Variants in CBR4 observed in about 807,000 individuals in gnomAD.
The protein encoded by CBR4 is 3-oxoacyl-[acyl-carrier-protein] reductase.
In CBR4, 22 loss-of-function variants were observed where a neutral mutation model predicts 21.0. That is an observed-to-expected ratio of 1.05 (90% confidence interval 0.75 to 1.50). The LOEUF is 1.50. Ranked by LOEUF, CBR4 falls within the 40% of genes most tolerant of loss-of-function variation. CBR4 has a pLI of 0.00. For missense variants in CBR4, 302 were observed against 286.3 expected (o/e 1.05, Z -0.40); for synonymous variants, 100 against 104.4 (o/e 0.96, Z 0.26).
rs2151288911 is a variant in CBR4 at position 168,901,471 on chromosome 4, T to C, written n.170-6706A>G. On this transcript the variant is annotated intron_variant and non_coding_transcript_variant, in intron 2 of 3. Transcript: ENST00000509108. ...CCAAGTATAATGGAGGTGAAAAATA[T>C]GATTAAAGAAATAACTCAAGAACTG... Among the ~76,000 whole-genome samples, 3 of 152,306 alleles carry C rather than the reference T, an allele frequency of 2.0e-5. 1 individual carries two copies. In the East Asian group the frequency reaches 5.8e-4, roughly 29 times the overall value.
chr4:168,970,345 G>C (rs187936515), intron 2 of CBR4, among the ~76,000 whole-genome samples: 1 of 151,964 alleles, frequency 6.6e-6, no homozygotes, highest in Non-Finnish European at 1.5e-5. Flanking sequence ...ATTTTATTTT[G>C]ATATTTAAGT....
intron 4 of CBR4, 116 bp from the exon 5 acceptor site, chr4:168,990,444 A>ATT: frequency 9.5e-6 from 10 of 1,057,530 alleles, no homozygotes; most frequent in Non-Finnish European, 8.8e-6. Flanking sequence ...TTTAAAAAAA[A>ATT]ATTTTTTTTT....
Position 168,989,505 on chromosome 4 carries a change from G to T in CBR4, c.*645C>A. On this transcript the variant is annotated 3_prime_UTR_variant, in exon 5 of 5. Coordinates refer to ENST00000306193, the MANE Select transcript of CBR4 (RefSeq NM_032783.5). Reference sequence around the variant, plus strand: ...TAATGAATACTATGTTTTGCAACCTGTATAAAAACTGATCACCCAAGCACA... The same window carrying T: ...TAATGAATACTATGTTTTGCAACCTTTATAAAAACTGATCACCCAAGCACA... 1.0e-6 allele frequency: 1 copy of T among 985,348 alleles called. No homozygotes were observed. Among genetic ancestry groups the T allele is most frequent in the Non-Finnish European group, 1.2e-6 (1 of 829,878 alleles). 61.0% of individuals were successfully genotyped at this position (985,348 alleles called of 1,614,324 possible). A position where few individuals can be genotyped will look rare whatever the true frequency, so the allele number is the denominator to read the frequency against.
chr4:168,972,467 T>G (rs1764240472), intron 2 of CBR4, among the ~76,000 whole-genome samples: 1 of 152,234 alleles, frequency 6.6e-6, no homozygotes. Flanking sequence ...CAGCAGTGTT[T>G]TGTAGTTTTC....
chr4:168,907,755 A>G (rs895440452), intron 2 of CBR4, among the ~76,000 whole-genome samples: 2 of 152,194 alleles, frequency 1.3e-5, no homozygotes, highest in African/African-American at 2.4e-5. Context: ...GAAGTGGACC[A>G]AGAACAGCCC....
At chr4:168,894,536 A>AT (rs769876532) in intron 3 of CBR4, 4 of 1,310,176 alleles carry the variant, frequency 3.1e-6, no homozygotes, top group South Asian at 2.4e-5. Context: ...CATATTTGTG[A>AT]TTTTTTTCTA....
At chr4:168,922,098 T>TACACACACACAC (rs1351389289) in intron 2 of CBR4, among the ~76,000 whole-genome samples, 1 of 107,620 alleles carries the variant, frequency 9.3e-6, no homozygotes, top group African/African-American at 3.1e-5. Flanking sequence ...TATATATATA[T>TACACACACACAC]ATATACACAC....
At chr4:168,958,266 GA>G (rs377591717) in intron 2 of CBR4, among the ~76,000 whole-genome samples, 13,504 of 142,104 alleles carry the variant, frequency 0.095, 693 homozygotes, top group Middle Eastern at 0.21. Context: ...TCCATCTCAG[GA>G]AAAAAAAAAA....
At chr4:169,001,782 T>C (rs565780515) in intron 4 of CBR4, 83 of 180,282 alleles carry the variant, frequency 4.6e-4, no homozygotes, top group African/African-American at 1.8e-3. Context: ...TGAGCAGATG[T>C]TGGTGTCATG....
intron 4 of CBR4, 83 bp downstream of exon 4, chr4:169,001,988 T>C: frequency 8.4e-7 from 1 of 1,195,320 alleles, no homozygotes; most frequent in African/African-American, 1.6e-5. Flanking sequence ...TCTACCCAGA[T>C]GTCAATTACT....
intron 2 of CBR4, among the ~76,000 whole-genome samples, chr4:168,938,209 G>C (rs1462075292): frequency 6.6e-6 from 1 of 152,156 alleles, no homozygotes; most frequent in Non-Finnish European, 1.5e-5. Flanking sequence ...GCTCCTGAAT[G>C]ACTACTGGGT....
intron 2 of CBR4, among the ~76,000 whole-genome samples, chr4:168,908,725 C>G (rs1400706912): frequency 6.6e-6 from 1 of 151,782 alleles, no homozygotes; most frequent in Non-Finnish European, 1.5e-5. Context: ...AATGAAATAA[C>G]CAAGGAAAAG....
chr4:168,898,829 G>C, intron 2 of CBR4: 1 of 761,442 alleles, frequency 1.3e-6, no homozygotes. Context: ...CAATACCCAC[G>C]ATATAAAGGG....
chr4:168,910,498 C>T (rs539348361), intron 2 of CBR4, among the ~76,000 whole-genome samples: 2 of 152,104 alleles, frequency 1.3e-5, no homozygotes, highest in South Asian at 4.1e-4. Context: ...AAATAAAATT[C>T]CATTACATAA....
At chr4:169,006,719 T>C (rs1560994402) in intron 3 of CBR4, 36 bp downstream of exon 3, 3 of 1,571,912 alleles carry the variant, frequency 1.9e-6, no homozygotes, top group East Asian at 2.2e-5. Context: ...TATGGTATTA[T>C]GGGATAATCA....
At chr4:168,954,068 A>G (rs1763619263) in intron 2 of CBR4, among the ~76,000 whole-genome samples, 1 of 152,140 alleles carries the variant, frequency 6.6e-6, no homozygotes, top group South Asian at 2.1e-4. Context: ...AGAGAAAGAG[A>G]GATTTATGGA....
At chr4:168,962,833 A>C (rs1256748606) in intron 2 of CBR4, among the ~76,000 whole-genome samples, 1 of 152,188 alleles carries the variant, frequency 6.6e-6, no homozygotes, top group Non-Finnish European at 1.5e-5. Flanking sequence ...AAAGGAAATC[A>C]ATAAAGAAAA....
At chr4:168,919,149 C>T (rs546961060) in intron 2 of CBR4, among the ~76,000 whole-genome samples, 374 of 152,236 alleles carry the variant, frequency 2.5e-3, no homozygotes, top group Middle Eastern at 3.4e-3. Flanking sequence ...GTCCTTAAAA[C>T]GCCTGCCATT....
At chr4:168,982,395 C>T (rs1241395921) in intron 2 of CBR4, among the ~76,000 whole-genome samples, 1 of 152,088 alleles carries the variant, frequency 6.6e-6, no homozygotes, top group African/African-American at 2.4e-5. Context: ...ATGCAGTCAA[C>T]ATTGGAGCAC....
Sources: gnomAD v4.1 joint callset for allele counts (sites outside exome capture counted in the v4.1 genomes callset) on GRCh38, gnomAD v4.1.1 for gene constraint, MANE v1.5 for transcripts, NCBI Gene and HGNC (gene_info 2026-07-23, HGNC 2026-07-21) for gene names.